The following RARS2 variants were observed in gnomAD, a reference collection of about 807,000 sequenced individuals.
RARS2 encodes the protein arginyl-tRNA synthetase 2, mitochondrial.
RARS2 carries 67 observed loss-of-function variants against 88.5 expected under a neutral mutation model. The observed-to-expected ratio is 0.76, with a 90% CI of 0.62 to 0.93. The LOEUF (loss-of-function observed/expected upper bound fraction) is 0.93, where lower values mean the gene tolerates loss of function less well. RARS2 is among the 40% of genes least tolerant of loss of function. RARS2 has a pLI of 0.00. For missense variants in RARS2, 664 were observed against 684.2 expected, an observed-to-expected ratio of 0.97 and a Z score of 0.33; for synonymous variants, 239 against 230.3, an observed-to-expected ratio of 1.04 and a Z score of -0.34.
chr6:87,543,848 A>G (rs1781800279), intron 7 of RARS2, among the ~76,000 whole-genome samples: 2 of 152,154 alleles, frequency 1.3e-5, no homozygotes, highest in Admixed American at 1.3e-4. Context: ...AGCAAATGTG[A>G]TTATAATTCA....
At chr6:87,541,473 G>A (rs1242854757) in intron 8 of RARS2, among the ~76,000 whole-genome samples, 1 of 151,928 alleles carries the variant, frequency 6.6e-6, no homozygotes, top group African/African-American at 2.4e-5. Context: ...ACTGTGCCCA[G>A]CCAAAAGCAA....
intron 5 of RARS2, among the ~76,000 whole-genome samples, chr6:87,549,948 T>TA (rs773825374): frequency 4.1e-4 from 62 of 152,242 alleles, no homozygotes; most frequent in Admixed American, 7.2e-4. Context: ...TTTCAATATT[T>TA]AAAAAAAGAT....
chr6:87,565,810 CTT>C (rs1767693789), intron 2 of RARS2, among the ~76,000 whole-genome samples: 1 of 152,176 alleles, frequency 6.6e-6, no homozygotes, highest in South Asian at 2.1e-4. Flanking sequence ...AGGGTTGAAA[CTT>C]TATTTATCCA....
At chr6:87,575,339 A>C (rs1416630622) in intron 1 of RARS2, among the ~76,000 whole-genome samples, 2 of 151,360 alleles carry the variant, frequency 1.3e-5, no homozygotes, top group African/African-American at 4.9e-5. Flanking sequence ...TTTATTTGGG[A>C]GATGGTTCCT....
chr6:87,519,309 A>G, intron 14 of RARS2: 1 of 391,278 alleles, frequency 2.6e-6, no homozygotes, highest in Non-Finnish European at 4.8e-6. Context: ...TATAACATAG[A>G]AACTTCACGT....
intron 1 of RARS2, among the ~76,000 whole-genome samples, chr6:87,587,957 G>C (rs1047385174): frequency 5.9e-5 from 9 of 151,950 alleles, no homozygotes; most frequent in African/African-American, 1.9e-4. Context: ...TTTCTTTATA[G>C]AGATGGGGGT....
At chr6:87,558,864 T>TG (rs1389720508) in intron 4 of RARS2, among the ~76,000 whole-genome samples, 1 of 152,240 alleles carries the variant, frequency 6.6e-6, no homozygotes, top group African/African-American at 2.4e-5. Flanking sequence ...AACAATTAAC[T>TG]GTAAAAGTGC....
intron 2 of RARS2, chr6:87,564,723 A>G: frequency 4.2e-6 from 1 of 237,968 alleles, no homozygotes; most frequent in South Asian, 4.5e-5. Flanking sequence ...AAAAGCAAGA[A>G]AATGAGAAAT....
chr6:87,589,832 C>T, intron 1 of RARS2, 90 bp downstream of exon 1: 1 of 1,613,610 alleles, frequency 6.2e-7, no homozygotes. Flanking sequence ...GACCCACCCT[C>T]CAGCTGACTG....
intron 8 of RARS2, among the ~76,000 whole-genome samples, chr6:87,532,076 T>A (rs1777694677): frequency 6.6e-6 from 1 of 152,140 alleles, no homozygotes; most frequent in Non-Finnish European, 1.5e-5. Flanking sequence ...TTATACCCAC[T>A]AGATACTACC....
chr6:87,520,677 C>G (rs1773539831), intron 12 of RARS2, among the ~76,000 whole-genome samples: 1 of 152,090 alleles, frequency 6.6e-6, no homozygotes, highest in Admixed American at 6.6e-5. Context: ...TAAAAGGAAC[C>G]AACTACTGAC....
In RARS2 at chr6:87,518,813, T is replaced by G; in HGVS notation, c.1305+11A>C. ...AACAAAAGGGCCTCACAGGTAGGAG[T>G]CTTAACAGACCTGAATAATGAGTGC... is the stretch of plus-strand genomic sequence containing the variant. On this transcript the variant is annotated intron_variant, in intron 15 of 19. Transcript: ENST00000369536. The G allele has an allele frequency of 1.2e-6, 2 of 1,612,998 alleles. No individual in the cohort carries two copies. The highest frequency in any genetic ancestry group is 1.7e-6 in the Non-Finnish European group (2 of 1,179,518).
intron 5 of RARS2, among the ~76,000 whole-genome samples, chr6:87,555,124 T>C (rs1785460574): frequency 6.7e-6 from 1 of 149,898 alleles, no homozygotes; most frequent in Admixed American, 6.7e-5. Flanking sequence ...AATAAATAAA[T>C]AAATAAATAA....
intron 9 of RARS2, 80 bp from the exon 10 acceptor site, chr6:87,529,728 C>T: frequency 4.4e-6 from 4 of 906,144 alleles, no homozygotes; most frequent in Non-Finnish European, 5.5e-6. Context: ...ATTAAGGATG[C>T]TCTACCACCT....
chr6:87,518,841 C>T lies in RARS2; in HGVS notation c.1288G>A (p.Ala430Thr), dbSNP rs776208986. 9 of 1,613,926 alleles carry T rather than the reference C, an allele frequency of 5.6e-6. No homozygotes were observed. Among genetic ancestry groups the T allele is most frequent in the African/African-American group, 2.7e-5 (2 of 74,872 alleles). ...TAACAGACCTGAATAATGAGTGCTG[C>T]GAGCCCGACCCTCTCTGCAGTCTCT... ...PQETAERVGL[A>T]ALIIQDFKGL... is the part of the protein sequence containing the mutation. The change falls in exon 15 of 20, where the codon GCA (alanine) becomes ACA (threonine). Residue 430 changes from alanine (A) to threonine (T), a missense_variant. By Grantham distance (58) the Ala-to-Thr change is moderately conservative (BLOSUM62 0). Transcript: ENST00000369536.
At chr6:87,549,998 A>G (rs1783839471) in intron 5 of RARS2, among the ~76,000 whole-genome samples, 1 of 152,246 alleles carries the variant, frequency 6.6e-6, no homozygotes, top group Admixed American at 6.5e-5. Flanking sequence ...TGGTAAAACT[A>G]GAGTTTAAAT....
At chr6:87,541,766 G>A in intron 8 of RARS2, 152 bp downstream of exon 8, 1 of 582,898 alleles carries the variant, frequency 1.7e-6, no homozygotes, top group Non-Finnish European at 3.1e-6. Context: ...AGAGGTTGCA[G>A]TGAGCTGAGA....
chr6:87,575,225 G>GCGCACACACACA (rs137938502), intron 1 of RARS2, among the ~76,000 whole-genome samples: 2 of 114,644 alleles, frequency 1.7e-5, no homozygotes, highest in East Asian at 2.7e-4. Context: ...AAAATAGAAA[G>GCGCACACACACA]CACACACACA....
intron 7 of RARS2, 146 bp from the exon 8 acceptor site, chr6:87,542,140 T>C (rs1456667231): frequency 1.5e-6 from 1 of 650,762 alleles, no homozygotes; most frequent in East Asian, 2.9e-5. Flanking sequence ...TTACCTTCTA[T>C]GACCCCATAA....
Sources: gnomAD v4.1 joint callset for allele counts (sites outside exome capture counted in the v4.1 genomes callset) on GRCh38, gnomAD v4.1.1 for gene constraint, MANE v1.5 for transcripts, NCBI Gene and HGNC (gene_info 2026-07-23, HGNC 2026-07-21) for gene names.